Variants in GPX4 observed in about 807,000 individuals in gnomAD.
The protein encoded by GPX4 is glutathione peroxidase 4.
In GPX4, 28 loss-of-function variants were observed where a neutral mutation model predicts 27.8. The observed-to-expected ratio is 1.01, with a 90% CI of 0.75 to 1.38. The LOEUF is 1.38. GPX4 is among the 40% of genes most tolerant of loss of function. GPX4 has a pLI of 0.00. For missense variants in GPX4, 357 were observed against 274.1 expected, an observed-to-expected ratio of 1.30 and a Z score of -2.14; for synonymous variants, 163 against 107.8, an observed-to-expected ratio of 1.51 and a Z score of -3.17.
At chr19:1,106,158 C>A in intron 4 of GPX4, 84 bp from the exon 5 acceptor site, 2 of 1,333,892 alleles carry the variant, frequency 1.5e-6, no homozygotes, top group Non-Finnish European at 2.1e-6. Flanking sequence ...GAAGCTCACA[C>A]CCTTGTGGCC....
chr19:1,105,624 C>G (rs201044864), intron 3 of GPX4, 34 bp from the exon 4 acceptor site: 162 of 1,589,846 alleles, frequency 1.0e-4, no homozygotes, highest in Admixed American at 3.5e-4. Flanking sequence ...GGGGTGCCAG[C>G]CCCCGACTCA....
Position 1,105,698 on chromosome 19 carries a change from G to A in GPX4, c.365G>A (p.Gly122Asp). 1 of 1,612,340 alleles carries A rather than the reference G, an allele frequency of 6.2e-7. No individual in the cohort carries two copies. The change falls in exon 4 of 7, where the codon GGC becomes GAC. Residue 122 changes from glycine (G) to aspartate (D), a missense_variant. Coordinates refer to ENST00000354171, the MANE Select transcript of GPX4 (RefSeq NM_002085.5). ...SNEEIKEFAA[G>D]YNVKFDMFSK... Reference sequence around the variant, plus strand: ...GAAGAGATCAAAGAGTTCGCCGCGGGCTACAACGTCAAATTCGATATGTTC... The same window carrying A: ...GAAGAGATCAAAGAGTTCGCCGCGGACTACAACGTCAAATTCGATATGTTC...
At position 1,105,770 on chromosome 19, in the gene GPX4, G is replaced by A; in HGVS notation, c.437G>A (p.Trp146Ter). ...GACGACGCCCACCCGCTGTGGAAGT[G>A]GATGAAGATCCAACCCAAGGGCAAG... ...NGDDAHPLWKWMKIQPKGKGI... is the reference protein window; with the variant it reads ...NGDDAHPLWK The change falls in exon 4 of 7, where the codon TGG becomes TAG. Residue 146 changes from tryptophan (W) to a stop codon, truncating the protein, a stop_gained. Coordinates refer to ENST00000354171, the MANE Select transcript of GPX4 (RefSeq NM_002085.5). LOFTEE classifies it high-confidence loss of function. 6.4e-6 allele frequency: 10 copies of A among 1,565,956 alleles called. No individual in the cohort carries two copies. Among genetic ancestry groups the A allele is most frequent in the Non-Finnish European group, 7.8e-6 (9 of 1,153,842 alleles).
chr19:1,106,356 C>T (rs1269925992), intron 5 of GPX4, 44 bp from the exon 6 acceptor site: 3 of 1,612,780 alleles, frequency 1.9e-6, no homozygotes, highest in Non-Finnish European at 2.5e-6. Flanking sequence ...AGCCTCAGCC[C>T]CTTGCAGGGG....
intron 4 of GPX4, 191 bp from the exon 5 acceptor site, chr19:1,106,051 C>G: frequency 1.7e-6 from 1 of 589,078 alleles, no homozygotes; most frequent in East Asian, 3.1e-5. Context: ...GCTCGGGGGC[C>G]TGTGGGGGGC....
At position 1,106,431 on chromosome 19, in the gene GPX4, A is replaced by T; in HGVS notation, c.533A>T (p.Lys178Met). The T allele has an allele frequency of 6.2e-7, 1 of 1,613,398 alleles. No individual in the cohort carries two copies. The highest frequency in any genetic ancestry group is 8.5e-7 in the Non-Finnish European group (1 of 1,179,928). ...FLIDKNGCVV[K>M]RYGPMEEPLV... ...ATCGACAAGAACGGCTGCGTGGTGA[A>T]GCGCTACGGACCCATGGAGGAGCCC... The change falls in exon 6 of 7, where the codon AAG (lysine) becomes ATG (methionine). Residue 178 changes from lysine to methionine, a missense_variant. Physicochemically the swap from Lys to Met is moderately conservative, Grantham distance 95. Coordinates refer to ENST00000354171, the MANE Select transcript of GPX4 (RefSeq NM_002085.5).
At chr19:1,106,308 CA>C (rs1170554512) in intron 5 of GPX4, 42 bp downstream of exon 5, 3 of 1,607,542 alleles carry the variant, frequency 1.9e-6, no homozygotes, top group Non-Finnish European at 1.7e-6. Context: ...TTCCCCTGGC[CA>C]CAGCCGTGGC....
chr19:1,104,582 G>A, intron 1 of GPX4: 1 of 969,524 alleles, frequency 1.0e-6, no homozygotes, highest in Non-Finnish European at 1.2e-6. Flanking sequence ...GGAAATCCCG[G>A]ATCACGCGCC....
Position 1,105,538 on chromosome 19 carries a change from AG to A in GPX4, c.324+29del, listed in dbSNP as rs750348731. 3.3e-6 allele frequency: 4 copies of A among 1,212,818 alleles called. No individual in the cohort carries two copies. The Admixed American group carries it at 7.5e-5, about 23-fold the overall frequency. The allele number at this position is 1,212,818 out of a possible 1,614,324, so 75.1% of individuals were successfully genotyped here. On this transcript the variant is annotated intron_variant, in intron 3 of 6. Coordinates refer to ENST00000354171, the MANE Select transcript of GPX4 (RefSeq NM_002085.5). ...GGGCTGCTGCGTCCCCGGGGCCCGC[AG>A]AGGCGGGTGGGTGGGGGTCGGGGTG...
In GPX4 at chr19:1,106,614, C is replaced by G. The variant is rs748868849; in HGVS notation, c.*42C>G. The G allele has an allele frequency of 6.2e-7, 1 of 1,611,672 alleles. No homozygotes were observed. Among genetic ancestry groups the G allele is most frequent in the Non-Finnish European group, 8.5e-7 (1 of 1,179,210 alleles). On this transcript the variant is annotated 3_prime_UTR_variant, in exon 7 of 7. Coordinates refer to ENST00000354171, the MANE Select transcript of GPX4 (RefSeq NM_002085.5). ...CCCCGCCCGAGCCCCTGCCCACGCC[C>G]TTGGAGCCTTCCACCGGCACTCATG...
At chr19:1,105,324 G>A in intron 2 of GPX4, 42 bp from the exon 3 acceptor site, 1 of 1,612,518 alleles carries the variant, frequency 6.2e-7, no homozygotes, top group Non-Finnish European at 8.5e-7. Context: ...GGCCCTGGGA[G>A]GGGGCCGTGT....
intron 1 of GPX4, chr19:1,104,985 C>T (rs1156585241): frequency 2.3e-5 from 34 of 1,470,638 alleles, no homozygotes; most frequent in Non-Finnish European, 2.9e-5. Flanking sequence ...TTGGAACCCT[C>T]TCCCGGCCTC....
chr19:1,105,116 C>A, intron 1 of GPX4, 70 bp from the exon 2 acceptor site: 1 of 1,573,888 alleles, frequency 6.4e-7, no homozygotes, highest in Non-Finnish European at 8.7e-7. Context: ...GCTCCCGATC[C>A]CTTCCTGCCT....
intron 1 of GPX4, chr19:1,104,447 G>C (rs971326775): frequency 9.6e-5 from 36 of 374,280 alleles, no homozygotes; most frequent in African/African-American, 7.6e-4. Context: ...GGGGTCGGGG[G>C]TCCAGGCTTG....
chr19:1,105,324 GGGGGCC>G, intron 2 of GPX4, 36 bp from the exon 3 acceptor site: 1 of 1,612,518 alleles, frequency 6.2e-7, no homozygotes, highest in Non-Finnish European at 8.5e-7. Flanking sequence ...GGCCCTGGGA[GGGGGCC>G]GTGTTCTTCT....
rs1599809192 is a variant in GPX4, at chr19:1,105,644, C to T, written c.325-14C>T. On this transcript the variant is annotated splice_polypyrimidine_tract_variant and intron_variant, in intron 3 of 6. Coordinates refer to ENST00000354171, the MANE Select transcript of GPX4 (RefSeq NM_002085.5). ...GCCAGCCCCCGACTCACTCACACAC[C>T]TTGGCCGCCACAGGAGCCAGGGAGT... The T allele has an allele frequency of 1.2e-6, 2 of 1,611,636 alleles. No individual in the cohort carries two copies. Among genetic ancestry groups the T allele is most frequent in the African/African-American group, 1.3e-5 (1 of 75,038 alleles).
Position 1,106,247 on chromosome 19 carries a change from T to C in GPX4, c.482T>C (p.Ile161Thr). 6.9e-6 allele frequency: 11 copies of C among 1,591,380 alleles called. No individual in the cohort carries two copies. Among genetic ancestry groups the C allele is most frequent in the Non-Finnish European group, 9.4e-6 (11 of 1,167,938 alleles). ...TCCATGTGCTTCTTTTCCAGTGCCA[T>C]CAAGTGGAACTTCACCAAGGTAAGG... is the stretch of plus-strand genomic sequence containing the variant. ...PKGKGILGNA[I>T]KWNFTKFLID... is the part of the protein sequence containing the mutation. Residue 161 changes from isoleucine (I) to threonine (T), a missense_variant, in exon 5 of 7, where the codon ATC (isoleucine) becomes ACC (threonine). Coordinates refer to ENST00000354171, the MANE Select transcript of GPX4 (RefSeq NM_002085.5).
chr19:1,105,638 A>C lies in GPX4; in HGVS notation c.325-20A>C. On this transcript the variant is annotated intron_variant, in intron 3 of 6. Transcript: ENST00000354171. ...GGGGGTGCCAGCCCCCGACTCACTC[A>C]CACACCTTGGCCGCCACAGGAGCCA... 1.4e-5 allele frequency: 23 copies of C among 1,611,266 alleles called. No homozygotes were observed. The highest frequency in any genetic ancestry group is 1.9e-5 in the Non-Finnish European group (22 of 1,179,016).
At position 1,106,621 on chromosome 19, in the gene GPX4, C is replaced by T. The variant is rs2079662153; in HGVS notation, c.*49C>T. On this transcript the variant is annotated 3_prime_UTR_variant, in exon 7 of 7. Transcript: ENST00000354171. ...CGAGCCCCTGCCCACGCCCTTGGAG[C>T]CTTCCACCGGCACTCATGACGGCCT... is the stretch of plus-strand genomic sequence containing the variant. 1.9e-6 allele frequency: 3 copies of T among 1,609,808 alleles called. No homozygotes were observed. Among genetic ancestry groups the T allele is most frequent in the Non-Finnish European group, 2.5e-6 (3 of 1,178,366 alleles).
Sources: gnomAD v4.1 joint callset for allele counts on GRCh38, gnomAD v4.1.1 for gene constraint, MANE v1.5 for transcripts, NCBI Gene and HGNC (gene_info 2026-07-23, HGNC 2026-07-21) for gene names.